The following KDSR variants were observed in gnomAD, a reference collection of about 807,000 sequenced individuals.
KDSR encodes the protein 3-dehydrosphinganine reductase.
KDSR carries 23 observed loss-of-function variants against 41.3 expected under a neutral mutation model. The observed-to-expected ratio is 0.56, with a 90% confidence interval of 0.40 to 0.79. The LOEUF is 0.79. Among genes scored for constraint, KDSR ranks in the 30% least tolerant of loss-of-function variants. The pLI, the probability that KDSR is intolerant of heterozygous loss-of-function variation, is 0.00. For synonymous variants in KDSR, 138 were observed against 151.7 expected (o/e 0.91, Z 0.66); for missense variants, 351 against 416.8 (o/e 0.84, Z 1.37).
chr18:63,352,446 C>A (rs536221727), intron 5 of KDSR, among the ~76,000 whole-genome samples: 8 of 152,156 alleles, frequency 5.3e-5, no homozygotes, highest in Non-Finnish European at 1.0e-4. Context: ...TCCCAAGTAG[C>A]TGGGATTACA....
Position 63,359,763 on chromosome 18 carries a change from A to G in KDSR, c.228T>C (p.Ile76=), listed in dbSNP as rs1358655053. The G allele has an allele frequency of 6.2e-7, 1 of 1,609,892 alleles. No homozygotes were observed. The highest frequency in any genetic ancestry group is 8.5e-7 in the Non-Finnish European group (1 of 1,176,960). ...GTTTGTCATTAATAGAGTGCATTTC[A>G]ATTTCTTTCTTTGCCTGCAGCAGCT... ...EDKLLQAKKE[I]EMHSINDKQV... The change falls in exon 3 of 10, where the codon ATT becomes ATC. Residue 76 remains isoleucine, a synonymous_variant. Transcript: ENST00000645214.
At chr18:63,357,643 C>T (rs1316162909) in intron 3 of KDSR, among the ~76,000 whole-genome samples, 4 of 142,006 alleles carry the variant, frequency 2.8e-5, no homozygotes, top group Non-Finnish European at 4.5e-5. Flanking sequence ...TGGAGTACAG[C>T]GGTGCAATCT....
chr18:63,359,151 C>CA (rs1914889604), intron 3 of KDSR, among the ~76,000 whole-genome samples: 6 of 135,162 alleles, frequency 4.4e-5, no homozygotes, highest in Non-Finnish European at 9.1e-5. Flanking sequence ...TGCACTCCAG[C>CA]CTGGATGACA....
intron 5 of KDSR, among the ~76,000 whole-genome samples, chr18:63,354,118 T>G (rs988312839): frequency 6.6e-6 from 1 of 151,898 alleles, no homozygotes; most frequent in Non-Finnish European, 1.5e-5. Context: ...TTTCTAGGGA[T>G]AGTAAGTCTA....
chr18:63,351,928 C>A (rs1391425673), intron 5 of KDSR, among the ~76,000 whole-genome samples: 3 of 152,038 alleles, frequency 2.0e-5, no homozygotes. Flanking sequence ...GGACTACAGG[C>A]ACATGCCACC....
intron 7 of KDSR, among the ~76,000 whole-genome samples, chr18:63,343,753 A>G (rs1219841003): frequency 6.6e-6 from 1 of 152,008 alleles, no homozygotes; most frequent in East Asian, 1.9e-4. Flanking sequence ...CTTAAAAAAA[A>G]AAAAAGCAGT....
chr18:63,331,266 A>G lies in KDSR; in HGVS notation c.*516T>C, dbSNP rs1301557164. ...CTTGAATAAAATACACAAAGAAAGA[A>G]AGAGAGAGAGAGAGAGAGACAGAGA... On this transcript the variant is annotated 3_prime_UTR_variant, in exon 10 of 10. Coordinates refer to ENST00000645214, the MANE Select transcript of KDSR (RefSeq NM_002035.4). 6 of 163,038 alleles carry G rather than the reference A, an allele frequency of 3.7e-5. No individual in the cohort carries two copies. Among genetic ancestry groups the G allele is most frequent in the South Asian group, 2.8e-4 (1 of 3,598 alleles). The allele number at this position is 163,038 out of a possible 1,614,324, so 10.1% of individuals were successfully genotyped here. A position where few individuals can be genotyped will look rare whatever the true frequency, so the allele number is the denominator to read the frequency against.
At chr18:63,350,073 T>C (rs1914619389) in intron 6 of KDSR, among the ~76,000 whole-genome samples, 1 of 152,224 alleles carries the variant, frequency 6.6e-6, no homozygotes, top group Admixed American at 6.5e-5. Context: ...CTGGGGGTCT[T>C]AGCTCACATC....
rs1914005968 is a variant in KDSR, at chr18:63,331,706, G to A, written c.*76C>T. ...GAAAACAATACATAAGTGTCTATAG[G>A]CCAAAAATTGGGTCCCATTTAGCAG... is the stretch of plus-strand genomic sequence containing the variant. On this transcript the variant is annotated 3_prime_UTR_variant, in exon 10 of 10. Coordinates refer to ENST00000645214, the MANE Select transcript of KDSR (RefSeq NM_002035.4). 3.4e-6 allele frequency: 5 copies of A among 1,491,186 alleles called. No individual in the cohort carries two copies. The Admixed American group carries it at 9.0e-5, about 27-fold the overall frequency. The allele number at this position is 1,491,186 out of a possible 1,614,324, so 92.4% of individuals were successfully genotyped here.
rs1915160103 is a variant in KDSR at position 63,367,031 on chromosome 18, G to C, written c.88C>G (p.Leu30Val). The C allele has an allele frequency of 7.6e-7, 1 of 1,316,864 alleles. No individual in the cohort carries two copies. Among genetic ancestry groups the C allele is most frequent in the African/African-American group, 1.5e-5 (1 of 66,486 alleles). The allele number at this position is 1,316,864 out of a possible 1,614,324, so 81.6% of individuals were successfully genotyped here. Residue 30 changes from leucine (L) to valine (V), a missense_variant, in exon 1 of 10, where the codon CTG becomes GTG. By Grantham distance (32) the Leu-to-Val change is conservative (BLOSUM62 1). Coordinates refer to ENST00000645214, the MANE Select transcript of KDSR (RefSeq NM_002035.4). Reference sequence around the variant, plus strand: ...CTCACCACCACATGCGCCCCGGGCAGGGCGAGGGGCTTGGGGCTGATGAGC... The same window carrying C: ...CTCACCACCACATGCGCCCCGGGCACGGCGAGGGGCTTGGGGCTGATGAGC... The part of the protein sequence containing the change: ...SPLISPKPLA[L>V]PGAHVVVTGG...
At chr18:63,346,851 A>C (rs1914517817) in intron 6 of KDSR, among the ~76,000 whole-genome samples, 1 of 152,340 alleles carries the variant, frequency 6.6e-6, no homozygotes, top group Non-Finnish European at 1.5e-5. Flanking sequence ...TTAAGATTCT[A>C]GTTTCCTGAA....
chr18:63,355,405 G>A, intron 4 of KDSR, 93 bp downstream of exon 4: 2 of 1,607,530 alleles, frequency 1.2e-6, no homozygotes, highest in Non-Finnish European at 8.5e-7. Context: ...AACCTATAGA[G>A]AAGTTGTGTC....
At chr18:63,348,611 A>G (rs1774961807) in intron 6 of KDSR, among the ~76,000 whole-genome samples, 1 of 152,174 alleles carries the variant, frequency 6.6e-6, no homozygotes, top group South Asian at 2.1e-4. Flanking sequence ...GAAGTCATAC[A>G]GACTTGAGCG....
intron 7 of KDSR, among the ~76,000 whole-genome samples, chr18:63,341,391 A>C (rs1018805054): frequency 1.3e-5 from 2 of 152,104 alleles, no homozygotes; most frequent in Non-Finnish European, 2.9e-5. Context: ...TATGTAACCC[A>C]GTAGAAATAA....
intron 9 of KDSR, among the ~76,000 whole-genome samples, chr18:63,333,015 A>G (rs144614100): frequency 1.3e-5 from 2 of 152,056 alleles, no homozygotes; most frequent in East Asian, 3.8e-4. Flanking sequence ...GTAAAGAAAG[A>G]AAGAAAAAAA....
At chr18:63,333,889 C>T (rs1914084231) in intron 9 of KDSR, among the ~76,000 whole-genome samples, 1 of 152,174 alleles carries the variant, frequency 6.6e-6, no homozygotes, top group Non-Finnish European at 1.5e-5. Flanking sequence ...ATGTGAAGAA[C>T]TGAGTGACAA....
intron 3 of KDSR, 178 bp downstream of exon 3, chr18:63,359,558 T>C (rs1914904188): frequency 3.6e-6 from 2 of 548,500 alleles, no homozygotes; most frequent in East Asian, 5.7e-5. Flanking sequence ...TGTGGGAGTC[T>C]ATTCATTTTG....
At chr18:63,364,179 C>T (rs1387242665) in intron 1 of KDSR, among the ~76,000 whole-genome samples, 10 of 152,134 alleles carry the variant, frequency 6.6e-5, no homozygotes, top group Admixed American at 6.5e-4. Context: ...ACCACTTCCT[C>T]AGGAAAGCCT....
chr18:63,358,013 T>C (rs536065236), intron 3 of KDSR, among the ~76,000 whole-genome samples: 1 of 151,954 alleles, frequency 6.6e-6, no homozygotes, highest in Non-Finnish European at 1.5e-5. Context: ...CTGTCTCTAC[T>C]AAAAATACAA....
Sources: allele counts gnomAD v4.1 joint callset (sites outside exome capture counted in the v4.1 genomes callset), GRCh38; gene constraint gnomAD v4.1.1; transcripts MANE v1.5; gene names NCBI Gene and HGNC (gene_info 2026-07-23, HGNC 2026-07-21).